Variants in IRAK3 observed in about 807,000 individuals in gnomAD.
IRAK3 encodes interleukin-1 receptor-associated kinase 3.
A neutral mutation model predicts 56.6 loss-of-function variants in IRAK3; 57 were observed. The observed-to-expected ratio is 1.01, with a 90% CI of 0.81 to 1.26. The LOEUF is 1.26. Among genes scored for constraint, IRAK3 ranks in the 50% most tolerant of loss-of-function variants. The pLI, the probability that IRAK3 is intolerant of heterozygous loss-of-function variation, is 0.00. For synonymous variants in IRAK3, 258 were observed against 255.7 expected (o/e 1.01, Z -0.09); for missense variants, 703 against 719.0 (o/e 0.98, Z 0.25).
At chr12:66,217,571 A>G (rs560918525) in intron 6 of IRAK3, among the ~76,000 whole-genome samples, 22 of 152,314 alleles carry the variant, frequency 1.4e-4, no homozygotes, top group African/African-American at 5.0e-4. Context: ...ATTCCAGTCT[A>G]GAAGCTGTTT....
intron 6 of IRAK3, 89 bp from the exon 7 acceptor site, chr12:66,226,634 A>C (rs2052788934): frequency 2.6e-6 from 2 of 782,220 alleles, no homozygotes; most frequent in Non-Finnish European, 4.6e-6. Context: ...CCTATTCCCC[A>C]TCCCACCTTA....
At chr12:66,245,599 A>T (rs796404697) in intron 11 of IRAK3, among the ~76,000 whole-genome samples, 1 of 141,788 alleles carries the variant, frequency 7.1e-6, no homozygotes, top group Non-Finnish European at 1.5e-5. Context: ...GTGCAGTGGC[A>T]CGGCCCACTG....
chr12:66,193,564 A>G (rs905466012), intron 1 of IRAK3, among the ~76,000 whole-genome samples: 2 of 152,120 alleles, frequency 1.3e-5, no homozygotes, highest in African/African-American at 4.8e-5. Flanking sequence ...AGGATACCAC[A>G]TTACATTTAT....
intron 5 of IRAK3, among the ~76,000 whole-genome samples, chr12:66,216,712 C>T (rs573874856): frequency 6.6e-6 from 1 of 152,248 alleles, no homozygotes; most frequent in African/African-American, 2.4e-5. Flanking sequence ...GCTTAGTAAG[C>T]CCATCTTTTC....
chr12:66,217,383 A>G (rs2052688214), intron 6 of IRAK3, 148 bp downstream of exon 6: 1 of 749,296 alleles, frequency 1.3e-6, no homozygotes, highest in Non-Finnish European at 2.4e-6. Flanking sequence ...TATCTGCTTT[A>G]GTATATTCCT....
intron 9 of IRAK3, 110 bp from the exon 10 acceptor site, chr12:66,244,838 A>G: frequency 1.9e-6 from 2 of 1,072,138 alleles, no homozygotes. Context: ...TTAATAAAAT[A>G]TAAAATCATT....
Position 66,206,841 on chromosome 12 carries a change from G to A in IRAK3, c.317-2615G>A, listed in dbSNP as rs11465954. Among the ~76,000 whole-genome samples the A allele has an allele frequency of 7.6e-3, 1,158 of 152,212 alleles. 22 individuals are homozygous for A. The highest frequency in any genetic ancestry group is 0.026 in the African/African-American group (1,079 of 41,520). On this transcript the variant is annotated intron_variant, in intron 2 of 11. Coordinates refer to ENST00000261233, the MANE Select transcript of IRAK3 (RefSeq NM_007199.3). Reference sequence around the variant, plus strand: ...TCACCTGTGAAGCCATCTAAGCCTCGGCTTTTCTTTGTGGGACGTTTTAAA... The same window carrying A: ...TCACCTGTGAAGCCATCTAAGCCTCAGCTTTTCTTTGTGGGACGTTTTAAA...
At chr12:66,215,810 A>G (rs939629906) in intron 5 of IRAK3, among the ~76,000 whole-genome samples, 41 of 130,650 alleles carry the variant, frequency 3.1e-4, no homozygotes, top group African/African-American at 1.5e-3. Context: ...ACACACACAC[A>G]CACACACACA....
chr12:66,228,155 G>T, intron 7 of IRAK3, 97 bp from the exon 8 acceptor site: 1 of 897,690 alleles, frequency 1.1e-6, no homozygotes, highest in East Asian at 2.4e-5. Context: ...ACCCCACCTT[G>T]CTATCTACTT....
rs888420090 is a variant in IRAK3, at chr12:66,248,950, A to G, written c.*779A>G. ...TAGGTCAGCTTTTTGTTTAATCTAC[A>G]CCTTTCAACTCTGGGCCTTCATTCC... On this transcript the variant is annotated 3_prime_UTR_variant, in exon 12 of 12. Transcript: ENST00000261233. The G allele has an allele frequency of 6.6e-6, 1 of 151,842 alleles. No homozygotes were observed. 9.4% of individuals were successfully genotyped at this position (151,842 alleles called of 1,614,324 possible). A position where few individuals can be genotyped will look rare whatever the true frequency, so the allele number is the denominator to read the frequency against.
In IRAK3 at chr12:66,204,789, C is replaced by G. The variant is rs984586496; in HGVS notation, c.316+896C>G. ...GCATGAGCCCTTGCGCACACACACACACACACACACACACACACACACACA... is the reference window on the plus strand; with the variant it reads ...GCATGAGCCCTTGCGCACACACACAGACACACACACACACACACACACACA... On this transcript the variant is annotated intron_variant, in intron 2 of 11. Coordinates refer to ENST00000261233, the MANE Select transcript of IRAK3 (RefSeq NM_007199.3). Among the ~76,000 whole-genome samples the G allele has an allele frequency of 6.8e-3, 975 of 142,884 alleles. 23 individuals are homozygous for G. Among genetic ancestry groups the G allele is most frequent in the African/African-American group, 0.026 (940 of 36,188 alleles). The allele number at this position is 142,884 out of a possible 152,430, so 93.7% of individuals were successfully genotyped here.
chr12:66,194,553 C>T lies in IRAK3; in HGVS notation c.133+5121C>T, dbSNP rs182420887. On this transcript the variant is annotated intron_variant, in intron 1 of 11. Coordinates refer to ENST00000261233, the MANE Select transcript of IRAK3 (RefSeq NM_007199.3). ...TAGAACGTTACATGCCCCTGCCGGA[C>T]GCGGTGGTTCACGCCGGTAATCCCA... Among the ~76,000 whole-genome samples, 48 of 152,222 alleles carry T rather than the reference C, an allele frequency of 3.2e-4. 1 individual carries two copies. The East Asian group carries it at 6.0e-3, about 19-fold the overall frequency.
chr12:66,228,341 A>G lies in IRAK3; in HGVS notation c.858A>G (p.Pro286=), dbSNP rs542738094. Residue 286 remains proline, a synonymous_variant, in exon 8 of 12, where the codon CCA becomes CCG. Transcript: ENST00000261233. The stretch of plus-strand genomic sequence containing the variant: ...TTCACTACCTGCACAACGTTCAACC[A>G]TGCTCGGTCATCTGTGGCAGTATAT... The part of the protein sequence containing the change: ...KAIHYLHNVQ[P]CSVICGSISS... 15 of 1,613,654 alleles carry G rather than the reference A, an allele frequency of 9.3e-6. No homozygotes were observed. The South Asian group carries it at 1.1e-4, about 12-fold the overall frequency.
At chr12:66,210,447 A>G (rs1476067837) in intron 4 of IRAK3, among the ~76,000 whole-genome samples, 1 of 151,980 alleles carries the variant, frequency 6.6e-6, no homozygotes, top group Non-Finnish European at 1.5e-5. Context: ...CACGGGGGAT[A>G]TTTTAGTTTT....
intron 8 of IRAK3, among the ~76,000 whole-genome samples, chr12:66,228,613 C>A (rs191732650): frequency 1.4e-4 from 21 of 152,268 alleles, no homozygotes; most frequent in Admixed American, 1.0e-3. Context: ...TATTAATGAA[C>A]AATGTAGGAT....
intron 8 of IRAK3, among the ~76,000 whole-genome samples, chr12:66,233,916 A>G (rs2052873477): frequency 6.6e-6 from 1 of 151,998 alleles, no homozygotes; most frequent in African/African-American, 2.4e-5. Flanking sequence ...AACTTATAGC[A>G]AAAATAGTTT....
At chr12:66,218,170 CAG>C (rs1188569005) in intron 6 of IRAK3, among the ~76,000 whole-genome samples, 1 of 152,068 alleles carries the variant, frequency 6.6e-6, no homozygotes, top group East Asian at 1.9e-4. Context: ...TATATATTTC[CAG>C]AGATATTTTG....
At chr12:66,246,041 T>G (rs1214621367) in intron 11 of IRAK3, among the ~76,000 whole-genome samples, 2 of 145,728 alleles carry the variant, frequency 1.4e-5, no homozygotes, top group African/African-American at 2.5e-5. Flanking sequence ...GTCAGATCAG[T>G]AAACATAGAA....
chr12:66,245,315 T>C, intron 11 of IRAK3, 53 bp downstream of exon 11: 2 of 1,555,372 alleles, frequency 1.3e-6, no homozygotes, highest in Non-Finnish European at 1.8e-6. Context: ...CCATGGAAAA[T>C]CTAAACTAGA....
Sources: gnomAD v4.1 joint callset for allele counts (sites outside exome capture counted in the v4.1 genomes callset) on GRCh38, gnomAD v4.1.1 for gene constraint, MANE v1.5 for transcripts, NCBI Gene and HGNC (gene_info 2026-07-23, HGNC 2026-07-21) for gene names.